CA6: variants seen among roughly 807,000 people sequenced by gnomAD.
The protein encoded by CA6 is carbonic anhydrase 6.
In CA6, 28 loss-of-function variants were observed where a neutral mutation model predicts 35.9. The ratio of observed to expected loss-of-function variants is 0.78; its 90% CI spans 0.58 to 1.07. CA6 has a LOEUF of 1.07. Ranked by LOEUF, CA6 falls within the 50% of genes least tolerant of loss-of-function variation. The pLI, the probability that CA6 is intolerant of heterozygous loss-of-function variation, is 0.00. For synonymous variants in CA6, 148 were observed against 152.6 expected (o/e 0.97, Z 0.22); for missense variants, 377 against 382.0 (o/e 0.99, Z 0.11).
At chr1:8,973,710 CTCTTTCTTTCTT>C (rs1173408031) in intron 7 of CA6, among the ~76,000 whole-genome samples, 1,322 of 106,306 alleles carry the variant, frequency 0.012, 43 homozygotes, top group Non-Finnish European at 0.019. Flanking sequence ...TTCTTTCTCT[CTCTTTCTTTCTT>C]TCTTTCTTTC....
intron 7 of CA6, among the ~76,000 whole-genome samples, chr1:8,973,555 T>C (rs980131764): frequency 2.0e-5 from 3 of 152,116 alleles, no homozygotes; most frequent in Admixed American, 2.0e-4. Flanking sequence ...TAAGAATCGC[T>C]GTTTAGGATC....
chr1:8,974,215 CA>C, intron 7 of CA6: 1 of 572,544 alleles, frequency 1.7e-6, no homozygotes, highest in Non-Finnish European at 3.0e-6. Context: ...AACTGTATCC[CA>C]GCGGGGTTGA....
At chr1:8,970,774 T>G in intron 6 of CA6, 93 bp from the exon 7 acceptor site, 1 of 823,286 alleles carries the variant, frequency 1.2e-6, no homozygotes, top group Non-Finnish European at 2.1e-6. Flanking sequence ...ATGCTGGGAT[T>G]ACAGGCGTGA....
chr1:8,971,417 T>G (rs1249922140), intron 7 of CA6, among the ~76,000 whole-genome samples: 5 of 150,034 alleles, frequency 3.3e-5, no homozygotes, highest in African/African-American at 1.2e-4. Context: ...GTTCAAGCAA[T>G]TCTCCTGCCT....
rs563477191 is a variant in CA6 at position 8,967,606 on chromosome 1, C to T, written c.572-53C>T. 8.9e-4 allele frequency: 1,363 copies of T among 1,537,940 alleles called. 8 individuals carry two copies. Among genetic ancestry groups the T allele is most frequent in the Non-Finnish European group, 4.5e-4 (503 of 1,121,998 alleles). ...GAGGCCTGGGCCTGAGCTGTCCTCC[C>T]GAGGGGCAGCGCTGGTCCCTGACAT... On this transcript the variant is annotated intron_variant, in intron 5 of 7. Transcript: ENST00000377443.
At chr1:8,974,379 CA>C in intron 7 of CA6, 1 of 1,535,754 alleles carries the variant, frequency 6.5e-7, no homozygotes, top group Non-Finnish European at 8.7e-7. Flanking sequence ...TGGGAGAAGC[CA>C]AAATCCAAGA....
At chr1:8,956,034 C>A (rs947394621) in intron 2 of CA6, among the ~76,000 whole-genome samples, 3 of 151,908 alleles carry the variant, frequency 2.0e-5, no homozygotes, top group African/African-American at 7.3e-5. Flanking sequence ...ACCAGCCTGG[C>A]CAATATGGTG....
intron 2 of CA6, chr1:8,951,606 A>G: frequency 1.3e-6 from 1 of 765,164 alleles, no homozygotes; most frequent in South Asian, 1.3e-5. Context: ...GGCCCAGAAG[A>G]GGGAAGGCAT....
chr1:8,951,740 C>T, intron 2 of CA6: 2 of 742,026 alleles, frequency 2.7e-6, no homozygotes, highest in Non-Finnish European at 4.9e-6. Flanking sequence ...GAAGCCTGTT[C>T]CTTTGGGGTT....
In CA6 at chr1:8,949,447, G is replaced by C; in HGVS notation, c.259+5G>C. The C allele has an allele frequency of 6.2e-7, 1 of 1,610,078 alleles. No homozygotes were observed. The highest frequency in any genetic ancestry group is 8.5e-7 in the Non-Finnish European group (1 of 1,177,912). On this transcript the variant is annotated splice_donor_5th_base_variant and intron_variant, in intron 2 of 7. Transcript: ENST00000377443. ...TGGTCAACAATGGCCACACAGGTAAGAGGAAGGGGTGGTGAGGGGCTCCAG... is the reference window on the plus strand; with the variant it reads ...TGGTCAACAATGGCCACACAGGTAACAGGAAGGGGTGGTGAGGGGCTCCAG...
At chr1:8,970,614 T>C (rs1640084048) in intron 6 of CA6, among the ~76,000 whole-genome samples, 1 of 152,094 alleles carries the variant, frequency 6.6e-6, no homozygotes, top group Non-Finnish European at 1.5e-5. Context: ...GTTCAAGCGA[T>C]TCTCCTGCCT....
rs1639711239 is a variant in CA6, at chr1:8,957,225, T to C, written c.348T>C (p.Gly116=). ...AGCAGATGCACTTTCACTGGGGAGG[T>C]GCGTCCTCGGAGATCAGCGGCTCTG... The part of the protein sequence containing the change: ...IAQQMHFHWG[G]ASSEISGSEH... Residue 116 remains glycine (G), a synonymous_variant, in exon 3 of 8, where the codon GGT becomes GGC. Transcript: ENST00000377443. The C allele has an allele frequency of 1.2e-6, 2 of 1,613,826 alleles. No homozygotes were observed. The highest frequency in any genetic ancestry group is 1.7e-5 in the Admixed American group (1 of 59,976).
chr1:8,956,915 G>A (rs1309796803), intron 2 of CA6, among the ~76,000 whole-genome samples: 1 of 152,192 alleles, frequency 6.6e-6, no homozygotes, highest in East Asian at 1.9e-4. Flanking sequence ...GCCCAGCCTG[G>A]TTTACTTAGT....
chr1:8,958,871 T>A, intron 3 of CA6, 39 bp from the exon 4 acceptor site: 3 of 1,109,838 alleles, frequency 2.7e-6, no homozygotes, highest in Non-Finnish European at 4.1e-6. Flanking sequence ...TTTGAATTTC[T>A]ATGAACTGCC....
At position 8,946,009 on chromosome 1, in the gene CA6, C is replaced by T. The variant is rs1246580975; in HGVS notation, c.79+44C>T. 3 of 1,226,168 alleles carry T rather than the reference C, an allele frequency of 2.4e-6. No individual in the cohort carries two copies. The East Asian group carries it at 7.0e-5, about 28-fold the overall frequency. The allele number at this position is 1,226,168 out of a possible 1,614,324, so 76.0% of individuals were successfully genotyped here. On this transcript the variant is annotated intron_variant, in intron 1 of 7. Coordinates refer to ENST00000377443, the MANE Select transcript of CA6 (RefSeq NM_001215.4). ...CATGCTCCCCCAGTTACCCTCACAC[C>T]CTTACAACAGGACAAGTGCCCTTCT...
chr1:8,954,122 CCTTG>C (rs1557622829), intron 2 of CA6, among the ~76,000 whole-genome samples: 1 of 151,750 alleles, frequency 6.6e-6, no homozygotes, highest in Non-Finnish European at 1.5e-5. Context: ...AACCAGCTGC[CCTTG>C]GGGCTGCTCT....
intron 6 of CA6, among the ~76,000 whole-genome samples, chr1:8,968,836 T>C (rs1363752746): frequency 6.6e-6 from 1 of 150,626 alleles, no homozygotes; most frequent in Non-Finnish European, 1.5e-5. Context: ...GCCAACATGG[T>C]GGAACCCCGT....
intron 7 of CA6, 38 bp from the exon 8 acceptor site, chr1:8,974,584 A>G: frequency 6.7e-7 from 1 of 1,502,032 alleles, no homozygotes; most frequent in Non-Finnish European, 9.2e-7. Flanking sequence ...AGGACTGTAC[A>G]AGGTTTAACC....
rs899881344 is a variant in CA6, at chr1:8,963,459, TTTAG to T, written c.571+807_571+810del. Among the ~76,000 whole-genome samples, 2 of 152,174 alleles carry T rather than the reference TTTAG, an allele frequency of 1.3e-5. No individual in the cohort carries two copies. The highest frequency in any genetic ancestry group is 2.9e-5 in the Non-Finnish European group (2 of 68,040). On this transcript the variant is annotated intron_variant, in intron 5 of 7. Transcript: ENST00000377443. This position sits in a 1 kb window ranked among gnomAD's most constrained non-coding sequence, Gnocchi z 4.1. ...ATCTCCAGACCAACTCTGGAGTTTT[TTTAG>T]TTATTTTCTTAGTGGTTGGCTGGCA...
Sources: allele counts gnomAD v4.1 joint callset (sites outside exome capture counted in the v4.1 genomes callset), GRCh38; gene constraint gnomAD v4.1.1; non-coding constraint Gnocchi (gnomAD v3.1); transcripts MANE v1.5; gene names NCBI Gene and HGNC (gene_info 2026-07-23, HGNC 2026-07-21).